The following CD33 variants were observed in gnomAD, a reference collection of about 807,000 sequenced individuals.
CD33 encodes the protein CD33 molecule, also known as myeloid cell surface antigen CD33.
In CD33, 25 loss-of-function variants were observed where a neutral mutation model predicts 31.4. The observed-to-expected ratio is 0.80, with a 90% CI of 0.58 to 1.11. CD33 has a LOEUF of 1.11. CD33 is among the 50% of genes most tolerant of loss of function. CD33 has a pLI of 0.00. For synonymous variants in CD33, 176 were observed against 180.6 expected, an observed-to-expected ratio of 0.97 and a Z score of 0.20; for missense variants, 407 against 448.1, an observed-to-expected ratio of 0.91 and a Z score of 0.83.
intron 2 of CD33, 34 bp from the exon 3 acceptor site, chr19:51,225,769 T>TCCTGA: frequency 6.3e-7 from 1 of 1,599,106 alleles, no homozygotes; most frequent in East Asian, 2.2e-5. Context: ...GGACCCTCCC[T>TCCTGA]CCTGATTCTG....
chr19:51,225,411 G>C lies in CD33; in HGVS notation c.231G>C (p.Lys77Asn), dbSNP rs1489088133. The C allele has an allele frequency of 4.3e-6, 7 of 1,614,074 alleles. No homozygotes were observed. The highest frequency in any genetic ancestry group is 5.9e-6 in the Non-Finnish European group (7 of 1,180,024). ...ISRDSPVATN[K>N]LDQEVQEETQ... is the part of the protein sequence containing the mutation. ...GGGACTCTCCAGTGGCCACAAACAA[G>C]CTAGATCAAGAAGTACAGGAGGAGA... Residue 77 changes from lysine (K) to asparagine (N), a missense_variant, in exon 2 of 7, where the codon AAG becomes AAC. By Grantham distance (94) the Lys-to-Asn change is moderately conservative. Transcript: ENST00000262262.
In CD33 at chr19:51,225,821, A is replaced by G. The variant is rs1275615725; in HGVS notation, c.437A>G (p.Lys146Arg). 6.2e-7 allele frequency: 1 copy of G among 1,613,792 alleles called. No individual in the cohort carries two copies. Residue 146 changes from lysine (K) to arginine (R), a missense_variant, in exon 3 of 7, where the codon AAA (lysine) becomes AGA (arginine). Transcript: ENST00000262262. The stretch of plus-strand genomic sequence containing the variant: ...TCACTAGACTTGACCCACAGGCCCA[A>G]AATCCTCATCCCTGGCACTCTAGAA... ...VHVTDLTHRP[K>R]ILIPGTLEPG...
intron 6 of CD33, chr19:51,236,346 T>A: frequency 5.6e-6 from 1 of 177,602 alleles, no homozygotes. Context: ...CTAGGCAGGT[T>A]TAGGATTGGC....
the CD33 span, chr19:51,211,158 G>A: frequency 1.7e-5 from 27 of 1,597,826 alleles, no homozygotes; most frequent in Middle Eastern, 1.7e-4. Context: ...GAATGGCTGC[G>A]GGGAGAGGGG....
rs61736469 is a variant in CD33, at chr19:51,225,311, T to C, written c.131T>C (p.Phe44Ser). ...TGCGTCCTCGTGCCCTGCACTTTCT[T>C]CCATCCCATACCCTACTACGACAAG... is the stretch of plus-strand genomic sequence containing the variant. ...GLCVLVPCTF[F>S]HPIPYYDKNS... The change falls in exon 2 of 7, where the codon TTC (phenylalanine) becomes TCC (serine). Residue 44 changes from phenylalanine (F) to serine (S), a missense_variant. By Grantham distance (155) the Phe-to-Ser change is radical. Coordinates refer to ENST00000262262, the MANE Select transcript of CD33 (RefSeq NM_001772.4). 1.6e-3 allele frequency: 2,560 copies of C among 1,614,156 alleles called. 22 individuals are homozygous for C. The African/African-American group carries it at 0.026, about 17-fold the overall frequency.
At chr19:51,211,655 T>C in the CD33 span, 1 of 1,167,648 alleles carries the variant, frequency 8.6e-7, no homozygotes, top group Non-Finnish European at 1.2e-6. Flanking sequence ...GGGCTTGGGA[T>C]GGGACCCATG....
At position 51,235,270 on chromosome 19, in the gene CD33, G is replaced by T. The variant is rs768431560; in HGVS notation, c.842+17G>T. On this transcript the variant is annotated intron_variant, in intron 5 of 6. Coordinates refer to ENST00000262262, the MANE Select transcript of CD33 (RefSeq NM_001772.4). The stretch of plus-strand genomic sequence containing the variant: ...CTTCTTCATGTGAGCATTTTCTCTG[G>T]GTCAGGCATGGGCCAGAGGTGAAGA... The T allele has an allele frequency of 6.2e-7, 1 of 1,607,166 alleles. No homozygotes were observed. Among genetic ancestry groups the T allele is most frequent in the South Asian group, 1.1e-5 (1 of 90,958 alleles).
chr19:51,213,024 T>C, the CD33 span, among the ~76,000 whole-genome samples: 4 of 152,222 alleles, frequency 2.6e-5, no homozygotes, highest in Admixed American at 6.5e-5. Context: ...TGTATGCCTA[T>C]GTATGTGGGA....
the CD33 span, chr19:51,211,427 C>T: frequency 6.7e-5 from 105 of 1,570,380 alleles, no homozygotes; most frequent in East Asian, 2.3e-3. Flanking sequence ...CAGGAGGAGA[C>T]TCAGGGCTGA....
Position 51,225,869 on chromosome 19 carries a change from C to T in CD33, c.485C>T (p.Thr162Ile). The change falls in exon 3 of 7, where the codon ACC becomes ATC. Residue 162 changes from threonine to isoleucine, a missense_variant. Transcript: ENST00000262262. ...TLEPGHSKNL[T>I]CSVSWACEQG... Reference sequence around the variant, plus strand: ...GAACCCGGCCACTCCAAAAACCTGACCTGCTCTGTGTCCTGGGCCTGTGAG... The same window carrying T: ...GAACCCGGCCACTCCAAAAACCTGATCTGCTCTGTGTCCTGGGCCTGTGAG... 2 of 1,614,132 alleles carry T rather than the reference C, an allele frequency of 1.2e-6. No individual in the cohort carries two copies. Among genetic ancestry groups the T allele is most frequent in the Non-Finnish European group, 1.7e-6 (2 of 1,180,030 alleles).
At chr19:51,222,580 C>CA (rs1568429901), upstream of CD33, among the ~76,000 whole-genome samples, 1 of 152,104 alleles carries the variant, frequency 6.6e-6, no homozygotes, top group Non-Finnish European at 1.5e-5. Flanking sequence ...GGTTCAGTTT[C>CA]AAAAAATATT....
Position 51,226,359 on chromosome 19 carries a change from A to G in CD33, c.745+3A>G. ...TATCTTTCCAGGAGATGGCTCAGGT[A>G]GGAAGGAGCCTCCCCGCCTGGGGCT... On this transcript the variant is annotated splice_donor_region_variant and intron_variant, in intron 4 of 6. Transcript: ENST00000262262. The G allele has an allele frequency of 6.2e-7, 1 of 1,613,026 alleles. No homozygotes were observed. Among genetic ancestry groups the G allele is most frequent in the South Asian group, 1.1e-5 (1 of 91,052 alleles).
chr19:51,214,487 T>C, the CD33 span, among the ~76,000 whole-genome samples: 46 of 152,292 alleles, frequency 3.0e-4, no homozygotes, highest in South Asian at 1.2e-3. Context: ...TGAGCCACTG[T>C]GCCAGGCCTC....
chr19:51,221,477 T>C (rs1446354001), upstream of CD33, among the ~76,000 whole-genome samples: 2 of 152,190 alleles, frequency 1.3e-5, no homozygotes, highest in Admixed American at 6.5e-5. Flanking sequence ...AAAAGAAATG[T>C]TTAAATATTC....
the CD33 span, among the ~76,000 whole-genome samples, chr19:51,215,302 G>A: frequency 3.3e-5 from 5 of 152,140 alleles, no homozygotes; most frequent in Non-Finnish European, 7.4e-5. Context: ...GTCCCAACCC[G>A]AGGCCAAATG....
At chr19:51,218,410 T>C in the CD33 span, among the ~76,000 whole-genome samples, 1 of 152,236 alleles carries the variant, frequency 6.6e-6, no homozygotes, top group Non-Finnish European at 1.5e-5. Flanking sequence ...CAGTTTCTTG[T>C]ACATTCTGGA....
chr19:51,211,845 C>T, the CD33 span: 1 of 1,179,624 alleles, frequency 8.5e-7, no homozygotes, highest in Non-Finnish European at 1.3e-6. Flanking sequence ...ATCTGGCCAC[C>T]CCAGGAACCT....
intron 6 of CD33, chr19:51,237,741 G>C (rs1981897310): frequency 6.6e-6 from 1 of 152,226 alleles, no homozygotes; most frequent in South Asian, 2.1e-4. Flanking sequence ...GTCCATCATA[G>C]TTATTGATGC....
the CD33 span, among the ~76,000 whole-genome samples, chr19:51,217,954 T>C: frequency 6.6e-6 from 1 of 152,230 alleles, no homozygotes; most frequent in Non-Finnish European, 1.5e-5. Context: ...AAGCATTAGG[T>C]TGATTCCATA....
Sources: gnomAD v4.1 joint callset for allele counts (sites outside exome capture counted in the v4.1 genomes callset) on GRCh38, gnomAD v4.1.1 for gene constraint, MANE v1.5 for transcripts, NCBI Gene and HGNC (gene_info 2026-07-23, HGNC 2026-07-21) for gene names.